Variants in SAMHD1 observed in about 807,000 individuals in gnomAD.
SAMHD1 encodes the protein deoxynucleoside triphosphate triphosphohydrolase SAMHD1.
SAMHD1 carries 54 observed loss-of-function variants against 79.6 expected under a neutral mutation model. That is an observed-to-expected ratio of 0.68 (90% confidence interval 0.55 to 0.85). The LOEUF (loss-of-function observed/expected upper bound fraction) is 0.85. Among genes scored for constraint, SAMHD1 ranks in the 40% least tolerant of loss-of-function variants. The pLI is 0.00. For missense variants in SAMHD1, 663 were observed against 782.7 expected (o/e 0.85, Z 1.82); for synonymous variants, 260 against 264.1 (o/e 0.98, Z 0.15).
intron 12 of SAMHD1, 70 bp from the exon 13 acceptor site, chr20:36,904,319 C>A (rs1305910684): frequency 2.8e-6 from 3 of 1,084,788 alleles, no homozygotes; most frequent in Non-Finnish European, 4.3e-6. Flanking sequence ...AACAGGTTCT[C>A]TTTATGAAAA....
chr20:36,930,204 T>C (rs2063560091), intron 5 of SAMHD1, among the ~76,000 whole-genome samples: 1 of 151,686 alleles, frequency 6.6e-6, no homozygotes. Context: ...TAACCTGTAG[T>C]AAACATGATG....
chr20:36,898,525 C>T lies in SAMHD1; in HGVS notation c.1523G>A (p.Gly508Glu), dbSNP rs1363652608. The stretch of plus-strand genomic sequence containing the variant: ...ATCAATTGGATTCTTTTCTTGCATT[C>T]CATAATCCATGTTGATAACCTAAAT... Reference protein sequence around the residue: ...FIVDVINMDYGMQEKNPIDHV... With the variant: ...FIVDVINMDYEMQEKNPIDHV... Residue 508 changes from glycine to glutamate, a missense_variant, in exon 14 of 16, where the codon GGA (glycine) becomes GAA (glutamate). Coordinates refer to ENST00000646673, the MANE Select transcript of SAMHD1 (RefSeq NM_015474.4). 1 of 1,613,454 alleles carries T rather than the reference C, an allele frequency of 6.2e-7. No individual in the cohort carries two copies. Among genetic ancestry groups the T allele is most frequent in the Admixed American group, 1.7e-5 (1 of 59,964 alleles).
intron 15 of SAMHD1, chr20:36,893,267 C>T (rs1990124675): frequency 1.6e-6 from 1 of 644,696 alleles, no homozygotes. Flanking sequence ...GCAGGAAGAG[C>T]CTTCATGAAA....
Position 36,905,329 on chromosome 20 carries a change from A to T in SAMHD1, c.1410+35T>A, listed in dbSNP as rs1331980339. The T allele has an allele frequency of 2.5e-6, 4 of 1,611,910 alleles. No individual in the cohort carries two copies. In the South Asian group the frequency reaches 4.4e-5, roughly 18 times the overall value. On this transcript the variant is annotated intron_variant, in intron 12 of 15. Transcript: ENST00000646673. ...GGTCTCCTCTTGGAGGACAGAGATA[A>T]CCTTTCACTAATGGAAAGATGCCTG...
chr20:36,940,943 AAGC>A, intron 3 of SAMHD1, 93 bp downstream of exon 3: 1 of 890,932 alleles, frequency 1.1e-6, no homozygotes, highest in Admixed American at 1.9e-5. Flanking sequence ...TATCACTGAG[AAGC>A]AGATTTCCTC....
At position 36,904,143 on chromosome 20, in the gene SAMHD1, G is replaced by A; in HGVS notation, c.1503+14C>T. 3 of 1,545,692 alleles carry A rather than the reference G, an allele frequency of 1.9e-6. No individual in the cohort carries two copies. Among genetic ancestry groups the A allele is most frequent in the Non-Finnish European group, 2.7e-6 (3 of 1,117,920 alleles). On this transcript the variant is annotated intron_variant, in intron 13 of 15. Transcript: ENST00000646673. ...AACGTATTCACTCAGTTTATTACTG[G>A]GCTAATTACTTACATCCACTATAAA...
At chr20:36,936,878 T>C (rs1333026923) in intron 3 of SAMHD1, among the ~76,000 whole-genome samples, 1 of 151,960 alleles carries the variant, frequency 6.6e-6, no homozygotes, top group Admixed American at 6.6e-5. Flanking sequence ...TGGTGGCTCA[T>C]GCTTGTAATG....
At chr20:36,903,830 C>G (rs1414595672) in intron 13 of SAMHD1, 1 of 226,608 alleles carries the variant, frequency 4.4e-6, no homozygotes, top group African/African-American at 2.3e-5. Flanking sequence ...GGATTACAGG[C>G]GTGAGCCACC....
chr20:36,889,909 A>ATGTGTGTG (rs145364344), downstream of SAMHD1: 16 of 150,466 alleles, frequency 1.1e-4, no homozygotes, highest in African/African-American at 3.9e-4. Context: ...TGTTCCATGA[A>ATGTGTGTG]TGTGTGTGTG....
At chr20:36,923,026 T>A (rs6030165) in intron 6 of SAMHD1, among the ~76,000 whole-genome samples, 115,972 of 151,992 alleles carry the variant, frequency 0.76, 44,971 homozygotes, top group East Asian at 0.97. Context: ...TTTGACACAG[T>A]GTCTCACTCT....
rs2063392630 is a variant in SAMHD1, at chr20:36,904,211, A to G, written c.1449T>C (p.Ala483=). The part of the protein sequence containing the change: ...YESLPKEVAS[A]KPKVLLDVKL... ...TCACGTCTAGCAATACTTTGGGTTTAGCACTGGCAACCTCTTTTGGAAGAG... is the reference window on the plus strand; with the variant it reads ...TCACGTCTAGCAATACTTTGGGTTTGGCACTGGCAACCTCTTTTGGAAGAG... Residue 483 remains alanine, a synonymous_variant, in exon 13 of 16, where the codon GCT becomes GCC. Transcript: ENST00000646673. 1 of 1,613,748 alleles carries G rather than the reference A, an allele frequency of 6.2e-7. No homozygotes were observed. The highest frequency in any genetic ancestry group is 1.3e-5 in the African/African-American group (1 of 74,922).
chr20:36,912,889 G>GTTTTTTTTTTTT lies in SAMHD1; in HGVS notation c.1063-349_1063-338dup, dbSNP rs71186089. On this transcript the variant is annotated intron_variant, in intron 9 of 15. Transcript: ENST00000646673. ...TGTACCCAGCTAACTTTCATTCTTTGTTTTTTTTTTTTTTTTTTTTTTTTT... is the reference window on the plus strand; with the variant it reads ...TGTACCCAGCTAACTTTCATTCTTTGTTTTTTTTTTTTTTTTTTTTTTTTTTTTTTTTTTTTT... Among the ~76,000 whole-genome samples, 46 of 41,102 alleles carry GTTTTTTTTTTTT rather than the reference G, an allele frequency of 1.1e-3. 12 individuals are homozygous for GTTTTTTTTTTTT. Among genetic ancestry groups the GTTTTTTTTTTTT allele is most frequent in the African/African-American group, 3.9e-3 (37 of 9,546 alleles). The allele number at this position is 41,102 out of a possible 152,430, so 27.0% of individuals were successfully genotyped here. A position where few individuals can be genotyped will look rare whatever the true frequency, so the allele number is the denominator to read the frequency against.
At chr20:36,905,292 C>A in intron 12 of SAMHD1, 72 bp downstream of exon 12, 1 of 1,486,208 alleles carries the variant, frequency 6.7e-7, no homozygotes, top group South Asian at 1.1e-5. Context: ...CATAGTATCA[C>A]GATAGGTTAG....
intron 6 of SAMHD1, 106 bp from the exon 7 acceptor site, chr20:36,919,625 T>C (rs1398119587): frequency 4.0e-6 from 4 of 999,768 alleles, no homozygotes; most frequent in South Asian, 2.8e-5. Context: ...TAAAGGTCTA[T>C]TGCATATTAA....
At chr20:36,905,240 G>A (rs2063398039) in intron 12 of SAMHD1, 124 bp downstream of exon 12, 1 of 1,084,786 alleles carries the variant, frequency 9.2e-7, no homozygotes. Context: ...GCACTACTGT[G>A]AAGATTAAAT....
intron 6 of SAMHD1, 151 bp downstream of exon 6, chr20:36,927,031 C>CATAT: frequency 2.0e-5 from 12 of 614,314 alleles, no homozygotes; most frequent in South Asian, 9.5e-5. Flanking sequence ...CAAACAAAAG[C>CATAT]ATATATATAT....
chr20:36,936,560 C>G (rs1013023276), intron 3 of SAMHD1, among the ~76,000 whole-genome samples: 4 of 152,064 alleles, frequency 2.6e-5, no homozygotes, highest in African/African-American at 9.7e-5. Flanking sequence ...CCCGCCTCAG[C>G]CTCCCGAAGT....
Position 36,897,893 on chromosome 20 carries a change from T to G in SAMHD1, c.1675A>C (p.Arg559=). 1.2e-6 allele frequency: 2 copies of G among 1,614,264 alleles called. No individual in the cohort carries two copies. Among genetic ancestry groups the G allele is most frequent in the Non-Finnish European group, 1.7e-6 (2 of 1,180,044 alleles). ...TGTCTTGCGGCATACAAACTCTTTC[T>G]GTCCACCTTCTTACAATATACTCGA... ...LIRVYCKKVD[R]KSLYAARQYF... The change falls in exon 15 of 16, where the codon AGA becomes CGA. Residue 559 remains arginine (R), a synonymous_variant. Coordinates refer to ENST00000646673, the MANE Select transcript of SAMHD1 (RefSeq NM_015474.4).
chr20:36,943,912 T>C (rs1711803042), intron 2 of SAMHD1, among the ~76,000 whole-genome samples: 1 of 151,668 alleles, frequency 6.6e-6, no homozygotes, highest in Admixed American at 6.6e-5. Context: ...ACCCTGTCTC[T>C]ACTAAAAATA....
Sources: allele counts gnomAD v4.1 joint callset (sites outside exome capture counted in the v4.1 genomes callset), GRCh38; gene constraint gnomAD v4.1.1; transcripts MANE v1.5; gene names NCBI Gene and HGNC (gene_info 2026-07-23, HGNC 2026-07-21).